The following NAMPT variants were observed in gnomAD, a reference collection of about 807,000 sequenced individuals.
NAMPT encodes the protein NAmPRTase.
In NAMPT, 7 loss-of-function variants were observed where a neutral mutation model predicts 58.7. The ratio of observed to expected loss-of-function variants is 0.12; its 90% CI spans 0.07 to 0.22. The LOEUF is 0.22. NAMPT is among the 10% of genes least tolerant of loss of function. NAMPT has a pLI of 1.00. For missense variants in NAMPT, 271 were observed against 567.9 expected (o/e 0.48, Z 5.31); for synonymous variants, 145 against 198.1 (o/e 0.73, Z 2.25).
intron 9 of NAMPT, among the ~76,000 whole-genome samples, chr7:106,253,832 C>A (rs887903466): frequency 6.6e-6 from 1 of 152,112 alleles, no homozygotes. Flanking sequence ...GTTCTTAATT[C>A]TTAGCATCCT....
chr7:106,275,722 A>G (rs1174909614), intron 2 of NAMPT: 1 of 152,234 alleles, frequency 6.6e-6, no homozygotes, highest in African/African-American at 2.4e-5. Context: ...TTAATACAAG[A>G]TAACTAGTAA....
At chr7:106,276,451 C>G (rs1792645136) in intron 2 of NAMPT, 1 of 152,222 alleles carries the variant, frequency 6.6e-6, no homozygotes. Flanking sequence ...AAAGGAGTTT[C>G]CAGTTCATTA....
At chr7:106,254,761 T>C (rs1297730399) in intron 8 of NAMPT, among the ~76,000 whole-genome samples, 1 of 152,062 alleles carries the variant, frequency 6.6e-6, no homozygotes, top group Non-Finnish European at 1.5e-5. Context: ...ATTCGGGGAG[T>C]GAAGGAAATG....
chr7:106,253,005 AT>A lies in NAMPT; in HGVS notation c.1365+11del. 2 of 1,612,144 alleles carry A rather than the reference AT, an allele frequency of 1.2e-6. No individual in the cohort carries two copies. The highest frequency in any genetic ancestry group is 1.7e-6 in the Non-Finnish European group (2 of 1,178,914). ...CTATTGCTTAAAAAAACCAATCAGCATAGATACATACCTGACCATATTCCTC... is the reference window on the plus strand; with the variant it reads ...CTATTGCTTAAAAAAACCAATCAGCAAGATACATACCTGACCATATTCCTC... On this transcript the variant is annotated intron_variant, in intron 10 of 10. Coordinates refer to ENST00000222553, the MANE Select transcript of NAMPT (RefSeq NM_005746.3).
At chr7:106,280,725 A>C (rs965817630) in intron 1 of NAMPT, among the ~76,000 whole-genome samples, 5 of 152,052 alleles carry the variant, frequency 3.3e-5, no homozygotes, top group African/African-American at 1.2e-4. Context: ...GTGGATCACG[A>C]GGTCGGGAGA....
chr7:106,270,706 A>G (rs1374873331), intron 4 of NAMPT, among the ~76,000 whole-genome samples: 1 of 152,154 alleles, frequency 6.6e-6, no homozygotes, highest in Non-Finnish European at 1.5e-5. Context: ...CCTCTTCTGG[A>G]GTGAGACCCG....
chr7:106,268,696 G>C (rs529787565), intron 5 of NAMPT, 96 bp from the exon 6 acceptor site: 1 of 815,938 alleles, frequency 1.2e-6, no homozygotes, highest in East Asian at 2.4e-5. Context: ...ATATAGCATA[G>C]CTCCCATAAG....
At chr7:106,270,505 T>C (rs1215386262) in intron 4 of NAMPT, among the ~76,000 whole-genome samples, 1 of 152,206 alleles carries the variant, frequency 6.6e-6, no homozygotes, top group Non-Finnish European at 1.5e-5. Context: ...AAATATGGCC[T>C]TTGCAGCTCT....
In NAMPT at chr7:106,251,047, T is replaced by A. The variant is rs781211313; in HGVS notation, c.*36A>T. The A allele has an allele frequency of 2.2e-6, 3 of 1,388,318 alleles. No homozygotes were observed. In the South Asian group the frequency reaches 3.5e-5, roughly 16 times the overall value. 86.0% of individuals were successfully genotyped at this position (1,388,318 alleles called of 1,614,324 possible). The stretch of plus-strand genomic sequence containing the variant: ...ACACATCTGTACAATAAACATTATG[T>A]ATTACATACACACAACACACACCCA... On this transcript the variant is annotated 3_prime_UTR_variant, in exon 11 of 11. Transcript: ENST00000222553.
In NAMPT at chr7:106,267,871, A is replaced by AAAAAC. The variant is rs1562815989; in HGVS notation, c.743+592_743+593insGTTTT. Among the ~76,000 whole-genome samples, 16 of 137,292 alleles carry AAAAAC rather than the reference A, an allele frequency of 1.2e-4. 1 individual carries two copies. The highest frequency in any genetic ancestry group is 4.2e-4 in the African/African-American group (15 of 36,000). 90.1% of individuals were successfully genotyped at this position (137,292 alleles called of 152,430 possible). On this transcript the variant is annotated intron_variant, in intron 6 of 10. Coordinates refer to ENST00000222553, the MANE Select transcript of NAMPT (RefSeq NM_005746.3). Reference sequence around the variant, plus strand: ...AAAAAAAAAAAAAAAAAAAAAAAAAAAAAAACAACCTGATTTACTTTTAAT... The same window carrying AAAAAC: ...AAAAAAAAAAAAAAAAAAAAAAAAAAAAAACAAAAACAACCTGATTTACTTTTAAT...
In NAMPT at chr7:106,272,623, A is replaced by G; in HGVS notation, c.354T>C (p.Ala118=). ...YDGHLPIEIK[A]VPEGFVIPRG... is the part of the protein sequence containing the mutation. The stretch of plus-strand genomic sequence containing the variant: ...TGGGAATGACAAAGCCCTCAGGAAC[A>G]GCTTTTATTTCTATTGGAAGATGCC... The change falls in exon 4 of 11, where the codon GCT becomes GCC. Residue 118 remains alanine, a synonymous_variant. Transcript: ENST00000222553. 1 of 1,613,384 alleles carries G rather than the reference A, an allele frequency of 6.2e-7. No homozygotes were observed. Among genetic ancestry groups the G allele is most frequent in the Non-Finnish European group, 8.5e-7 (1 of 1,179,512 alleles).
intron 7 of NAMPT, 136 bp from the exon 8 acceptor site, chr7:106,261,843 G>T: frequency 2.3e-6 from 2 of 856,734 alleles, no homozygotes; most frequent in Non-Finnish European, 3.6e-6. Context: ...ATAACACTAT[G>T]TATATGCTCT....
intron 6 of NAMPT, among the ~76,000 whole-genome samples, chr7:106,267,645 T>A (rs1792439105): frequency 6.6e-6 from 1 of 150,942 alleles, no homozygotes. Context: ...ATCGAGACCA[T>A]CCTGACTAAA....
intron 4 of NAMPT, among the ~76,000 whole-genome samples, chr7:106,269,639 T>C (rs1792494202): frequency 6.6e-6 from 1 of 152,228 alleles, no homozygotes; most frequent in African/African-American, 2.4e-5. Flanking sequence ...GAAAGTTTCA[T>C]GATCTGTCAT....
chr7:106,263,668 T>C (rs1385205906), intron 6 of NAMPT, 51 bp from the exon 7 acceptor site: 1 of 1,340,298 alleles, frequency 7.5e-7, no homozygotes, highest in Admixed American at 1.7e-5. Context: ...ACTTGATCTA[T>C]CCCTGAATCA....
At position 106,278,872 on chromosome 7, in the gene NAMPT, G is replaced by C. The variant is rs539560240; in HGVS notation, c.58-1693C>G. On this transcript the variant is annotated intron_variant, in intron 1 of 10. Coordinates refer to ENST00000222553, the MANE Select transcript of NAMPT (RefSeq NM_005746.3). ...GGTGTGGATCTTATAGCACAAGTTT[G>C]TAAGTCTGATTCATAGTTTTATTTC... Among the ~76,000 whole-genome samples the C allele has an allele frequency of 3.3e-5, 5 of 152,000 alleles. No homozygotes were observed. The South Asian group carries it at 1.0e-3, about 32-fold the overall frequency.
chr7:106,285,453 C>T, upstream of NAMPT: 1 of 812,180 alleles, frequency 1.2e-6, no homozygotes. Context: ...GGCCGGTTTT[C>T]TGGGTCCTCC....
At chr7:106,253,926 G>C (rs1023712957) in intron 9 of NAMPT, among the ~76,000 whole-genome samples, 4 of 152,092 alleles carry the variant, frequency 2.6e-5, no homozygotes, top group African/African-American at 9.7e-5. Flanking sequence ...CACTTGCCTA[G>C]CTGTTCTATG....
intron 3 of NAMPT, among the ~76,000 whole-genome samples, chr7:106,273,804 G>A (rs1418868344): frequency 1.3e-5 from 2 of 152,080 alleles, no homozygotes; most frequent in Non-Finnish European, 2.9e-5. Context: ...CAGGAAAAGT[G>A]CAGCACAGAG....
Sources: gnomAD v4.1 joint callset for allele counts (sites outside exome capture counted in the v4.1 genomes callset) on GRCh38, gnomAD v4.1.1 for gene constraint, MANE v1.5 for transcripts, NCBI Gene and HGNC (gene_info 2026-07-23, HGNC 2026-07-21) for gene names.